Variants in HSF2BP observed in about 807,000 individuals in gnomAD.
HSF2BP encodes heat shock transcription factor 2 binding protein.
HSF2BP carries 35 observed loss-of-function variants against 35.0 expected under a neutral mutation model. That is an observed-to-expected ratio of 1.00 (90% CI 0.76 to 1.32). HSF2BP has a LOEUF of 1.32. Among genes scored for constraint, HSF2BP ranks in the 40% most tolerant of loss-of-function variants. HSF2BP has a pLI of 0.00. For missense variants in HSF2BP, 326 were observed against 321.7 expected (o/e 1.01, Z -0.10); for synonymous variants, 114 against 117.4 (o/e 0.97, Z 0.18).
At chr21:43,635,039 A>G (rs1017699422) in intron 4 of HSF2BP, among the ~76,000 whole-genome samples, 14 of 152,134 alleles carry the variant, frequency 9.2e-5, no homozygotes, top group African/African-American at 3.4e-4. Flanking sequence ...GCAGGAGGAT[A>G]TTCCCCAACG....
chr21:43,586,831 A>C (rs1601625020), intron 8 of HSF2BP, among the ~76,000 whole-genome samples: 1 of 151,488 alleles, frequency 6.6e-6, no homozygotes, highest in Admixed American at 6.6e-5. Flanking sequence ...ATGAAGTTTC[A>C]CTCTTGTTGC....
the HSF2BP span, among the ~76,000 whole-genome samples, chr21:43,467,972 ACAC>A: frequency 9.3e-6 from 1 of 108,104 alleles, no homozygotes; most frequent in Non-Finnish European, 1.8e-5. Context: ...CACCACACAC[ACAC>A]CACACACACC....
intron 7 of HSF2BP, among the ~76,000 whole-genome samples, chr21:43,604,579 TAC>T (rs928320258): frequency 5.8e-5 from 6 of 103,226 alleles, no homozygotes; most frequent in Admixed American, 1.1e-4. Flanking sequence ...CACACCAATA[TAC>T]ACACACCACC....
chr21:43,604,485 C>G (rs201051882), intron 7 of HSF2BP, among the ~76,000 whole-genome samples: 2 of 36,666 alleles, frequency 5.5e-5, no homozygotes, highest in African/African-American at 1.2e-4. Context: ...GCACACCATA[C>G]ACACACACAC....
chr21:43,575,689 C>T (rs2078930303), intron 8 of HSF2BP, among the ~76,000 whole-genome samples: 1 of 152,166 alleles, frequency 6.6e-6, no homozygotes, highest in Non-Finnish European at 1.5e-5. Context: ...TGGACAACAG[C>T]GTGAGCTAAT....
chr21:43,458,002 C>T, the HSF2BP span, among the ~76,000 whole-genome samples: 105 of 47,022 alleles, frequency 2.2e-3, 12 homozygotes, highest in Non-Finnish European at 3.8e-3. Flanking sequence ...GGGGGAGGTA[C>T]CATTTCTTCC....
chr21:43,599,333 G>C (rs952415061), intron 7 of HSF2BP, among the ~76,000 whole-genome samples: 1 of 152,106 alleles, frequency 6.6e-6, no homozygotes, highest in African/African-American at 2.4e-5. Flanking sequence ...GGTCACACAA[G>C]AGTTAGCAAA....
chr21:43,615,144 G>T (rs903089511), intron 6 of HSF2BP, among the ~76,000 whole-genome samples: 1 of 152,088 alleles, frequency 6.6e-6, no homozygotes, highest in South Asian at 2.1e-4. Flanking sequence ...TCTTTAGTTG[G>T]GTCTGACAGT....
At chr21:43,592,894 C>A (rs762151434) in intron 7 of HSF2BP, among the ~76,000 whole-genome samples, 10 of 152,142 alleles carry the variant, frequency 6.6e-5, no homozygotes, top group Non-Finnish European at 1.3e-4. Flanking sequence ...TGAACCGTGG[C>A]TGGCAATGCA....
chr21:43,622,983 T>C (rs1370681989), intron 6 of HSF2BP, among the ~76,000 whole-genome samples: 3 of 151,854 alleles, frequency 2.0e-5, no homozygotes, highest in East Asian at 1.9e-4. Flanking sequence ...TTTTTTTTTT[T>C]TCGTAGAGAT....
chr21:43,616,085 T>C (rs1349594920), intron 6 of HSF2BP, among the ~76,000 whole-genome samples: 3 of 148,922 alleles, frequency 2.0e-5, no homozygotes, highest in Non-Finnish European at 3.0e-5. Context: ...GCAAGCAACA[T>C]AGAACTATTT....
intron 6 of HSF2BP, among the ~76,000 whole-genome samples, chr21:43,616,372 G>C (rs527799240): frequency 2.4e-4 from 37 of 152,322 alleles, no homozygotes; most frequent in African/African-American, 8.7e-4. Flanking sequence ...GGCCAGATGT[G>C]GTGGCTCACG....
chr21:43,637,137 GA>G (rs2082573786), intron 4 of HSF2BP, among the ~76,000 whole-genome samples: 1 of 151,588 alleles, frequency 6.6e-6, no homozygotes, highest in Non-Finnish European at 1.5e-5. Context: ...AAATAAAAAA[GA>G]AAAAAAGAAA....
intron 7 of HSF2BP, among the ~76,000 whole-genome samples, chr21:43,609,412 A>G (rs190112546): frequency 9.2e-5 from 14 of 152,298 alleles, no homozygotes; most frequent in Admixed American, 9.2e-4. Context: ...AAACCTGCAC[A>G]TGTACCCCCT....
At chr21:43,638,469 T>C (rs546175793) in intron 4 of HSF2BP, among the ~76,000 whole-genome samples, 46 of 152,202 alleles carry the variant, frequency 3.0e-4, no homozygotes, top group African/African-American at 1.1e-3. Flanking sequence ...CAACCACATT[T>C]CTATGTGCTA....
At chr21:43,624,494 C>T (rs950141748) in intron 6 of HSF2BP, among the ~76,000 whole-genome samples, 5 of 152,272 alleles carry the variant, frequency 3.3e-5, no homozygotes, top group Middle Eastern at 3.4e-3. Flanking sequence ...CTTTTCTGCA[C>T]GCCACACTGC....
chr21:43,577,741 A>G (rs11701673), intron 8 of HSF2BP, among the ~76,000 whole-genome samples: 77,441 of 152,056 alleles, frequency 0.51, 21,060 homozygotes, highest in East Asian at 0.69. Flanking sequence ...AAGATCCACA[A>G]AAGAAGTGAA....
intron 7 of HSF2BP, among the ~76,000 whole-genome samples, chr21:43,605,927 C>G (rs2146877560): frequency 6.6e-6 from 1 of 152,204 alleles, no homozygotes; most frequent in African/African-American, 2.4e-5. Flanking sequence ...ACACACACAT[C>G]CAGGCCATAC....
intron 7 of HSF2BP, among the ~76,000 whole-genome samples, chr21:43,612,668 A>C (rs2082222842): frequency 6.6e-6 from 1 of 151,132 alleles, no homozygotes; most frequent in Non-Finnish European, 1.5e-5. Flanking sequence ...AAAAAAAAAA[A>C]AAAAGTGCTC....
Sources: gnomAD v4.1 joint callset for allele counts (sites outside exome capture counted in the v4.1 genomes callset) on GRCh38, gnomAD v4.1.1 for gene constraint, MANE v1.5 for transcripts, NCBI Gene and HGNC (gene_info 2026-07-23, HGNC 2026-07-21) for gene names.